MEF2C: variants seen among roughly 807,000 people sequenced by gnomAD.
The protein encoded by MEF2C is myocyte enhancer factor 2C, also known as myocyte-specific enhancer factor 2C.
Under a neutral mutation model 50.5 loss-of-function variants are expected in MEF2C, and 6 were observed. The observed-to-expected ratio is 0.12, with a 90% CI of 0.07 to 0.23. The LOEUF is 0.23. Among genes scored for constraint, MEF2C ranks in the 10% least tolerant of loss-of-function variants. The pLI is 1.00. For synonymous variants in MEF2C, 183 were observed against 228.0 expected, an observed-to-expected ratio of 0.80 and a Z score of 1.78; for missense variants, 276 against 605.0, an observed-to-expected ratio of 0.46 and a Z score of 5.70.
chr5:88,853,665 G>A (rs1221264338), intron 1 of MEF2C, among the ~76,000 whole-genome samples: 2 of 152,044 alleles, frequency 1.3e-5, no homozygotes, highest in African/African-American at 2.4e-5. Context: ...AAACAGCAAT[G>A]GAAAATATAA....
intron 10 of MEF2C, among the ~76,000 whole-genome samples, chr5:88,724,430 T>G (rs1337887080): frequency 3.9e-5 from 6 of 152,152 alleles, no homozygotes; most frequent in African/African-American, 1.4e-4. Flanking sequence ...ACTTTCCTTC[T>G]CCTATTAATA....
At chr5:88,730,974 A>G (rs1346033112) in intron 7 of MEF2C, among the ~76,000 whole-genome samples, 1 of 152,166 alleles carries the variant, frequency 6.6e-6, no homozygotes, top group Non-Finnish European at 1.5e-5. Context: ...TTTGTTGTTG[A>G]ATTTGGTCCC....
At chr5:88,856,805 G>T (rs1823579991) in intron 1 of MEF2C, among the ~76,000 whole-genome samples, 1 of 152,244 alleles carries the variant, frequency 6.6e-6, no homozygotes, top group Non-Finnish European at 1.5e-5. Context: ...GTGTAGAAAT[G>T]CCTGGATGTC....
intron 8 of MEF2C, 191 bp from the exon 9 acceptor site, chr5:88,729,538 T>C (rs1760496858): frequency 1.8e-6 from 1 of 571,014 alleles, no homozygotes; most frequent in South Asian, 2.1e-5. Context: ...GCTGTTGCCA[T>C]AGTAACCCAT....
chr5:88,850,717 CACAT>C (rs1479054027), intron 1 of MEF2C, among the ~76,000 whole-genome samples: 4 of 151,886 alleles, frequency 2.6e-5, no homozygotes, highest in African/African-American at 7.3e-5. Flanking sequence ...TACACACACA[CACAT>C]ATATATGCAC....
chr5:88,740,774 T>C, intron 6 of MEF2C: 1 of 985,336 alleles, frequency 1.0e-6, no homozygotes, highest in Non-Finnish European at 1.2e-6. Context: ...TGAACCACAC[T>C]ATCTTTAAAA....
chr5:88,764,799 C>T (rs1309682928), intron 3 of MEF2C, among the ~76,000 whole-genome samples: 2 of 109,450 alleles, frequency 1.8e-5, no homozygotes, highest in Non-Finnish European at 3.6e-5. Flanking sequence ...CAGAGTGAGA[C>T]TCCATCTCAA....
chr5:88,729,271 G>T lies in MEF2C; in HGVS notation c.911C>A (p.Pro304Gln). The T allele has an allele frequency of 6.2e-7, 1 of 1,613,132 alleles. No homozygotes were observed. Among genetic ancestry groups the T allele is most frequent in the Non-Finnish European group, 8.5e-7 (1 of 1,179,420 alleles). ...TGGATATCCTCCCATTCCTTGTCCT[G>T]GTAAAGTAGGAGTTGCTACGGAAAC... The part of the protein sequence containing the change: ...PVVSVATPTL[P>Q]GQGMGGYPSA... The change falls in exon 9 of 11, where the codon CCA (proline) becomes CAA (glutamine). Residue 304 changes from proline to glutamine, a missense_variant. Physicochemically the swap from Pro to Gln is moderately conservative, Grantham distance 76. This residue lies in a region of MEF2C where 256 missense variants were observed against 468.1 expected (regional missense o/e 0.55). Coordinates refer to ENST00000504921, the MANE Select transcript of MEF2C (RefSeq NM_002397.5).
intron 3 of MEF2C, among the ~76,000 whole-genome samples, chr5:88,771,061 C>T (rs762197008): frequency 1.4e-4 from 22 of 152,328 alleles, no homozygotes; most frequent in Admixed American, 5.2e-4. Context: ...AGAGCTTGTG[C>T]GGGGGAACCC....
upstream of MEF2C, among the ~76,000 whole-genome samples, chr5:88,886,675 T>C (rs78439719): frequency 7.9e-5 from 12 of 152,364 alleles, no homozygotes; most frequent in African/African-American, 2.9e-4. Flanking sequence ...TTTTATTTTT[T>C]TCTAATCACC....
At chr5:88,844,067 C>T (rs570007030) in intron 1 of MEF2C, among the ~76,000 whole-genome samples, 10 of 152,266 alleles carry the variant, frequency 6.6e-5, no homozygotes, top group African/African-American at 2.2e-4. Flanking sequence ...GCCTGGGCTT[C>T]CCAAAGTGCT....
chr5:88,872,638 T>C (rs949683793), intron 1 of MEF2C, among the ~76,000 whole-genome samples: 10 of 152,092 alleles, frequency 6.6e-5, no homozygotes, highest in African/African-American at 2.2e-4. Context: ...AATAATTTAA[T>C]ATTTACTGAT....
chr5:88,738,019 A>G (rs1228359302), intron 6 of MEF2C: 3 of 985,252 alleles, frequency 3.0e-6, no homozygotes, highest in African/African-American at 3.5e-5. Context: ...TCTAGAATAC[A>G]TGAGAAATGA....
intron 3 of MEF2C, among the ~76,000 whole-genome samples, chr5:88,770,510 A>C (rs927641985): frequency 6.6e-6 from 1 of 152,058 alleles, no homozygotes; most frequent in Non-Finnish European, 1.5e-5. Context: ...ACATTTCCTC[A>C]TTTCTACAGG....
rs1237059652 is a variant in MEF2C, at chr5:88,876,187, G to C, written c.-143+6768C>G. Among the ~76,000 whole-genome samples the C allele has an allele frequency of 5.3e-5, 8 of 149,784 alleles. No individual in the cohort carries two copies. In the East Asian group the frequency reaches 1.6e-3, roughly 29 times the overall value. ...GGATATAACTTAAAACATCTGCTTA[G>C]ACACATACGTTCTGTTCAGATATAA... On this transcript the variant is annotated intron_variant, in intron 1 of 10. Coordinates refer to ENST00000504921, the MANE Select transcript of MEF2C (RefSeq NM_002397.5).
At chr5:88,749,898 C>T (rs911593055) in intron 5 of MEF2C, among the ~76,000 whole-genome samples, 2 of 151,840 alleles carry the variant, frequency 1.3e-5, no homozygotes, top group Admixed American at 6.6e-5. Context: ...GGCGTGGTGG[C>T]GGGTGCCTGT....
chr5:88,725,565 G>A (rs922579572), intron 10 of MEF2C, among the ~76,000 whole-genome samples: 6 of 152,148 alleles, frequency 3.9e-5, no homozygotes, highest in East Asian at 1.9e-4. Context: ...GTGGGTGGGT[G>A]ATAAAGAGGT....
chr5:88,742,938 CATT>C, intron 6 of MEF2C: 2 of 973,044 alleles, frequency 2.1e-6, no homozygotes, highest in Non-Finnish European at 2.4e-6. Flanking sequence ...TTAAAAATAT[CATT>C]GTTACTTAAT....
chr5:88,875,859 G>A (rs1262080930), intron 1 of MEF2C, among the ~76,000 whole-genome samples: 1 of 151,896 alleles, frequency 6.6e-6, no homozygotes, highest in Non-Finnish European at 1.5e-5. Flanking sequence ...ACTGTGCACA[G>A]TATCTGGTCT....
Sources: allele counts gnomAD v4.1 joint callset (sites outside exome capture counted in the v4.1 genomes callset), GRCh38; gene constraint gnomAD v4.1.1; regional missense constraint gnomAD v4.1.1; transcripts MANE v1.5; gene names NCBI Gene and HGNC (gene_info 2026-07-23, HGNC 2026-07-21).